The following WWOX variants were observed in gnomAD, a reference collection of about 807,000 sequenced individuals.
The protein encoded by WWOX is WW domain containing oxidoreductase, also known as WW domain-containing oxidoreductase.
Under a neutral mutation model 46.2 loss-of-function variants are expected in WWOX, and 69 were observed. The observed-to-expected ratio is 1.49, with a 90% CI of 1.23 to 1.82. WWOX has a LOEUF of 1.82. WWOX is among the 40% of genes most tolerant of loss of function. The probability of loss-of-function intolerance (pLI) is 0.00; values close to 1 mark genes in which losing one functional copy is unlikely to be tolerated. For missense variants in WWOX, 919 were observed against 542.6 expected, an observed-to-expected ratio of 1.69 and a Z score of -6.89; for synonymous variants, 359 against 202.6, an observed-to-expected ratio of 1.77 and a Z score of -6.56.
At chr16:78,424,827 G>A (rs1383587410) in intron 6 of WWOX, 43 bp from the exon 7 acceptor site, 25 of 1,609,200 alleles carry the variant, frequency 1.6e-5, no homozygotes, top group Non-Finnish European at 2.0e-5. Context: ...ATCCTTGGTT[G>A]TAGTGTTTAT....
rs1328550520 is a variant in WWOX, at chr16:78,877,997, T to C, written c.1057-333611T>C. 2.6e-5 allele frequency among the ~76,000 whole-genome samples: 4 copies of C among 152,212 alleles called. No homozygotes were observed. In the East Asian group the frequency reaches 5.8e-4, roughly 22 times the overall value. ...TTTTACAGGTCAGATGATTTTGTTT[T>C]TATAGGCTCTAGCAGGTCCCTTCTC... On this transcript the variant is annotated intron_variant, in intron 8 of 8. Transcript: ENST00000566780.
intron 8 of WWOX, among the ~76,000 whole-genome samples, chr16:79,008,822 A>C (rs2151374216): frequency 6.6e-6 from 1 of 152,326 alleles, no homozygotes; most frequent in East Asian, 1.9e-4. Context: ...GTGCACCTGC[A>C]GCCGGAGACC....
At chr16:78,116,858 G>A (rs979466563) in intron 4 of WWOX, among the ~76,000 whole-genome samples, 3 of 152,204 alleles carry the variant, frequency 2.0e-5, no homozygotes, top group Admixed American at 2.0e-4. Context: ...AGTAAGATAT[G>A]TGACTACTGA....
intron 8 of WWOX, among the ~76,000 whole-genome samples, chr16:78,438,804 A>G (rs7189855): frequency 0.56 from 85,676 of 151,984 alleles, 27,471 homozygotes; most frequent in African/African-American, 0.87. Flanking sequence ...ACGGATGTGC[A>G]GCTACCCTGC....
chr16:78,896,087 G>A (rs575733675), intron 8 of WWOX: 1 of 152,180 alleles, frequency 6.6e-6, no homozygotes, highest in South Asian at 2.1e-4. Flanking sequence ...CTGAAAACAT[G>A]CAGGCAATTG....
chr16:78,873,301 T>C (rs541512375), intron 8 of WWOX: 4 of 152,358 alleles, frequency 2.6e-5, no homozygotes, highest in Admixed American at 6.5e-5. Context: ...TAGCTCCTAA[T>C]TGGAATTAAG....
At chr16:78,730,191 G>C (rs994088589) in intron 8 of WWOX, among the ~76,000 whole-genome samples, 1 of 152,072 alleles carries the variant, frequency 6.6e-6, no homozygotes, top group African/African-American at 2.4e-5. Flanking sequence ...TTAAAGCTCT[G>C]GTTACATATG....
In WWOX at chr16:79,181,254, C is replaced by T. The variant is rs1017561945; in HGVS notation, c.1057-30354C>T. ...TTATTTGGTCAAGACATACGGAACA[C>T]GTATAGATCAAACAAAAATTTTTAA... On this transcript the variant is annotated intron_variant, in intron 8 of 8. Coordinates refer to ENST00000566780, the MANE Select transcript of WWOX (RefSeq NM_016373.4). 2.0e-5 allele frequency among the ~76,000 whole-genome samples: 3 copies of T among 152,126 alleles called. No individual in the cohort carries two copies. In the East Asian group the frequency reaches 5.8e-4, roughly 29 times the overall value.
At chr16:78,901,287 A>G (rs1455932377) in intron 8 of WWOX, among the ~76,000 whole-genome samples, 2 of 152,230 alleles carry the variant, frequency 1.3e-5, no homozygotes, top group African/African-American at 2.4e-5. Flanking sequence ...ATCACAAAGT[A>G]TGTGTTTGTG....
chr16:78,750,818 A>G (rs905586918), intron 8 of WWOX, among the ~76,000 whole-genome samples: 7 of 152,298 alleles, frequency 4.6e-5, no homozygotes, highest in Non-Finnish European at 7.3e-5. Context: ...TGCAAAGAAC[A>G]TGATTTTCTT....
At chr16:78,888,190 G>A (rs1223788400) in intron 8 of WWOX, among the ~76,000 whole-genome samples, 1 of 152,202 alleles carries the variant, frequency 6.6e-6, no homozygotes, top group South Asian at 2.1e-4. Context: ...GCTGATTCCT[G>A]CATAAAATGT....
rs58922016 is a variant in WWOX at position 78,989,253 on chromosome 16, G to T, written c.1057-222355G>T. ...ATCTTTCCTCTTCGGGTGGTTCTAA[G>T]AATTCTAATTCAATTAGAAGGCCTT... is the stretch of plus-strand genomic sequence containing the variant. On this transcript the variant is annotated intron_variant, in intron 8 of 8. Transcript: ENST00000566780. 3.2e-3 allele frequency among the ~76,000 whole-genome samples: 486 copies of T among 152,190 alleles called. 5 individuals are homozygous for T. Among genetic ancestry groups the T allele is most frequent in the African/African-American group, 0.011 (468 of 41,486 alleles).
At chr16:78,461,338 T>C (rs1397252007) in intron 8 of WWOX, among the ~76,000 whole-genome samples, 3 of 151,420 alleles carry the variant, frequency 2.0e-5, no homozygotes, top group South Asian at 2.1e-4. Flanking sequence ...GAGGAACTCA[T>C]CGGTAAGGCC....
chr16:78,236,626 T>C (rs1188276788), intron 5 of WWOX, among the ~76,000 whole-genome samples: 4 of 152,180 alleles, frequency 2.6e-5, no homozygotes, highest in African/African-American at 9.7e-5. Context: ...TAGTGCATAT[T>C]CTTGGCTCAA....
chr16:79,125,962 G>A (rs933642282), intron 8 of WWOX, among the ~76,000 whole-genome samples: 3 of 152,202 alleles, frequency 2.0e-5, no homozygotes, highest in Non-Finnish European at 4.4e-5. Flanking sequence ...GGCTGGTGGT[G>A]TTTTTACTCT....
intron 5 of WWOX, among the ~76,000 whole-genome samples, chr16:78,212,937 G>T (rs1428879361): frequency 1.3e-5 from 2 of 152,102 alleles, no homozygotes; most frequent in Admixed American, 6.5e-5. Flanking sequence ...GACCACAGAT[G>T]GGAGGTAAGG....
intron 8 of WWOX, among the ~76,000 whole-genome samples, chr16:78,884,976 C>T (rs932340543): frequency 5.3e-5 from 8 of 152,206 alleles, no homozygotes; most frequent in Non-Finnish European, 1.0e-4. Context: ...CTCTGAGACC[C>T]CACCAAGCCA....
intron 8 of WWOX, among the ~76,000 whole-genome samples, chr16:79,129,112 C>A (rs1423407370): frequency 3.3e-5 from 5 of 152,030 alleles, no homozygotes; most frequent in African/African-American, 1.2e-4. Context: ...TGCTTGCAAA[C>A]AACGGTAGTT....
intron 5 of WWOX, among the ~76,000 whole-genome samples, chr16:78,273,377 T>C (rs1352443686): frequency 6.6e-6 from 1 of 152,186 alleles, no homozygotes; most frequent in African/African-American, 2.4e-5. Context: ...ACTTTTTTTA[T>C]TGACTAACTC....
Sources: gnomAD v4.1 joint callset for allele counts (sites outside exome capture counted in the v4.1 genomes callset) on GRCh38, gnomAD v4.1.1 for gene constraint, MANE v1.5 for transcripts, NCBI Gene and HGNC (gene_info 2026-07-23, HGNC 2026-07-21) for gene names.